The following ANKRD18B variants were observed in gnomAD, a reference collection of about 807,000 sequenced individuals.
ANKRD18B encodes the protein ankyrin repeat domain 18B.
A neutral mutation model predicts 111.8 loss-of-function variants in ANKRD18B; 75 were observed. The observed-to-expected ratio is 0.67, with a 90% CI of 0.56 to 0.81. The LOEUF (loss-of-function observed/expected upper bound fraction) is 0.81. Among genes scored for constraint, ANKRD18B ranks in the 40% least tolerant of loss-of-function variants. The pLI is 0.00. For missense variants in ANKRD18B, 1,038 were observed against 1,225.5 expected (o/e 0.85, Z 2.28); for synonymous variants, 356 against 417.3 (o/e 0.85, Z 1.79).
intron 1 of ANKRD18B, among the ~76,000 whole-genome samples, chr9:33,527,820 T>C (rs1261265919): frequency 6.6e-6 from 1 of 152,158 alleles, no homozygotes; most frequent in Non-Finnish European, 1.5e-5. Context: ...TATCCTACTA[T>C]TTTCTACATT....
intron 3 of ANKRD18B, among the ~76,000 whole-genome samples, chr9:33,531,523 A>G (rs1365481294): frequency 1.3e-5 from 2 of 150,464 alleles, no homozygotes; most frequent in Admixed American, 6.6e-5. Flanking sequence ...GTGTCCCCAG[A>G]ACCACATCAC....
At chr9:33,552,730 C>T (rs1053604525) in intron 12 of ANKRD18B, among the ~76,000 whole-genome samples, 2 of 151,530 alleles carry the variant, frequency 1.3e-5, no homozygotes, top group African/African-American at 4.9e-5. Context: ...CTAACACATA[C>T]AATGGTCAAG....
intron 10 of ANKRD18B, among the ~76,000 whole-genome samples, chr9:33,545,983 A>T (rs1463076198): frequency 2.6e-5 from 4 of 152,160 alleles, no homozygotes; most frequent in Non-Finnish European, 5.9e-5. Flanking sequence ...CATCAACCTA[A>T]GTCTCACTGT....
In ANKRD18B at chr9:33,572,561, A is replaced by T. The variant is rs1563910795; in HGVS notation, c.*127A>T. The T allele has an allele frequency of 8.5e-6, 11 of 1,292,398 alleles. No individual in the cohort carries two copies. Among genetic ancestry groups the T allele is most frequent in the Non-Finnish European group, 1.1e-5 (11 of 1,014,402 alleles). 80.1% of individuals were successfully genotyped at this position (1,292,398 alleles called of 1,614,324 possible). ...ATCATATGATGTATATTTATATGTT[A>T]TTTTAAATGATTTTTTTAGCCTCCT... On this transcript the variant is annotated 3_prime_UTR_variant, in exon 19 of 19. Transcript: ENST00000684830.
At chr9:33,552,986 G>T (rs1208145363) in intron 12 of ANKRD18B, among the ~76,000 whole-genome samples, 1 of 151,830 alleles carries the variant, frequency 6.6e-6, no homozygotes, top group Non-Finnish European at 1.5e-5. Flanking sequence ...TTTGCTCAAG[G>T]TCGCACAGCT....
downstream of ANKRD18B, chr9:33,573,111 T>A (rs1828807987): frequency 8.2e-7 from 1 of 1,219,672 alleles, no homozygotes; most frequent in African/African-American, 1.6e-5. Flanking sequence ...CTGTCAGCAC[T>A]TTTTTACTTT....
intron 4 of ANKRD18B, 72 bp downstream of exon 4, chr9:33,533,617 C>T: frequency 6.8e-7 from 1 of 1,466,940 alleles, no homozygotes; most frequent in Non-Finnish European, 9.0e-7. Flanking sequence ...AACAGTCGCT[C>T]AAGTCAGAAA....
chr9:33,557,612 AC>A (rs1306188248), intron 13 of ANKRD18B, among the ~76,000 whole-genome samples: 1 of 152,068 alleles, frequency 6.6e-6, no homozygotes, highest in Non-Finnish European at 1.5e-5. Context: ...AACATGGTGA[AC>A]CCCATCTCTA....
At chr9:33,526,844 A>AAAAATAG (rs1320217588) in intron 1 of ANKRD18B, among the ~76,000 whole-genome samples, 6 of 152,216 alleles carry the variant, frequency 3.9e-5, no homozygotes, top group Non-Finnish European at 8.8e-5. Context: ...TATCAAAATA[A>AAAAATAG]CAAATAGCAA....
chr9:33,570,910 A>G (rs1209589392), intron 17 of ANKRD18B, among the ~76,000 whole-genome samples: 1 of 152,202 alleles, frequency 6.6e-6, no homozygotes, highest in African/African-American at 2.4e-5. Flanking sequence ...TGCTGGGATT[A>G]CAGGCGTGAG....
At chr9:33,560,632 CT>C (rs1206476875) in intron 14 of ANKRD18B, among the ~76,000 whole-genome samples, 2 of 152,076 alleles carry the variant, frequency 1.3e-5, no homozygotes, top group African/African-American at 2.4e-5. Flanking sequence ...GGTGATGGAC[CT>C]TTGGGTTCTT....
At chr9:33,569,915 T>C (rs1284796451) in intron 17 of ANKRD18B, among the ~76,000 whole-genome samples, 1 of 152,032 alleles carries the variant, frequency 6.6e-6, no homozygotes, top group Non-Finnish European at 1.5e-5. Flanking sequence ...GCACCTGTAA[T>C]CCCACATGCA....
intron 18 of ANKRD18B, chr9:33,571,946 C>A (rs1449071264): frequency 5.8e-6 from 1 of 171,576 alleles, no homozygotes; most frequent in African/African-American, 2.4e-5. Flanking sequence ...CCAGTAGTGC[C>A]CCGCTGTATA....
intron 5 of ANKRD18B, among the ~76,000 whole-genome samples, chr9:33,535,177 G>C (rs1828177698): frequency 1.3e-5 from 2 of 151,902 alleles, no homozygotes; most frequent in African/African-American, 4.8e-5. Flanking sequence ...AACTGGTCCT[G>C]CAATCTGGTA....
intron 9 of ANKRD18B, 58 bp from the exon 10 acceptor site, chr9:33,543,127 A>G: frequency 2.1e-6 from 3 of 1,402,864 alleles, no homozygotes; most frequent in Non-Finnish European, 2.9e-6. Flanking sequence ...ATCAATTTTT[A>G]TAAAGATTAT....
intron 8 of ANKRD18B, among the ~76,000 whole-genome samples, chr9:33,540,747 G>T (rs1563901763): frequency 1.3e-5 from 2 of 152,052 alleles, no homozygotes; most frequent in Non-Finnish European, 2.9e-5. Context: ...GCAGCTGAAG[G>T]CCATGTGGTC....
chr9:33,536,818 T>A, intron 5 of ANKRD18B, 60 bp from the exon 6 acceptor site: 1 of 1,073,608 alleles, frequency 9.3e-7, no homozygotes, highest in Non-Finnish European at 1.3e-6. Context: ...TTAATCTGTT[T>A]GGTAAATATT....
At position 33,529,180 on chromosome 9, in the gene ANKRD18B, A is replaced by G. The variant is rs1209326041; in HGVS notation, c.495+7A>G. On this transcript the variant is annotated splice_region_variant and intron_variant, in intron 3 of 18. Transcript: ENST00000684830. ...TATTGAAGCACTAAACAAGGTACAGATCAATCAACTTTCTTTTCAAAATGT... is the reference window on the plus strand; with the variant it reads ...TATTGAAGCACTAAACAAGGTACAGGTCAATCAACTTTCTTTTCAAAATGT... 6.3e-7 allele frequency: 1 copy of G among 1,586,748 alleles called. No individual in the cohort carries two copies. Among genetic ancestry groups the G allele is most frequent in the Non-Finnish European group, 8.5e-7 (1 of 1,170,626 alleles).
At chr9:33,528,321 T>C (rs1828056623) in intron 1 of ANKRD18B, among the ~76,000 whole-genome samples, 1 of 152,118 alleles carries the variant, frequency 6.6e-6, no homozygotes, top group Non-Finnish European at 1.5e-5. Flanking sequence ...AGTCTAACAG[T>C]TATTGAGTTG....
Sources: gnomAD v4.1 joint callset for allele counts (sites outside exome capture counted in the v4.1 genomes callset) on GRCh38, gnomAD v4.1.1 for gene constraint, MANE v1.5 for transcripts, NCBI Gene and HGNC (gene_info 2026-07-23, HGNC 2026-07-21) for gene names.